CLTC: variants seen among roughly 807,000 people sequenced by gnomAD.
CLTC encodes the protein clathrin heavy chain.
Under a neutral mutation model 195.8 loss-of-function variants are expected in CLTC, and 16 were observed. The observed-to-expected ratio is 0.08, with a 90% CI of 0.06 to 0.12. The LOEUF is 0.12. Among genes scored for constraint, CLTC ranks in the 10% least tolerant of loss-of-function variants. The pLI, the probability that CLTC is intolerant of heterozygous loss-of-function variation, is 1.00. For missense variants in CLTC, 796 were observed against 2,027.0 expected (o/e 0.39, Z 11.66); for synonymous variants, 667 against 689.4 (o/e 0.97, Z 0.51).
Position 59,694,249 on chromosome 17 carries a change from C to A in CLTC, c.*397C>A, listed in dbSNP as rs1429282331. On this transcript the variant is annotated 3_prime_UTR_variant, in exon 32 of 32. Coordinates refer to ENST00000269122, the MANE Select transcript of CLTC (RefSeq NM_004859.4). Reference sequence around the variant, plus strand: ...TAAACAGCTTACAAATACGTATTGTCTAAATGCATTTAAATCTGTTTTATT... The same window carrying A: ...TAAACAGCTTACAAATACGTATTGTATAAATGCATTTAAATCTGTTTTATT... 4.6e-6 allele frequency: 1 copy of A among 219,308 alleles called. No individual in the cohort carries two copies. The highest frequency in any genetic ancestry group is 2.2e-5 in the African/African-American group (1 of 44,514). The allele number at this position is 219,308 out of a possible 1,614,324, so 13.6% of individuals were successfully genotyped here.
In CLTC at chr17:59,682,386, A is replaced by G. The variant is rs770673987; in HGVS notation, c.3558A>G (p.Leu1186=). The G allele has an allele frequency of 8.1e-6, 13 of 1,614,160 alleles. No individual in the cohort carries two copies. Among genetic ancestry groups the G allele is most frequent in the Non-Finnish European group, 1.1e-5 (13 of 1,179,992 alleles). Residue 1186 remains leucine, a synonymous_variant, in exon 22 of 32, where the codon TTA becomes TTG. Coordinates refer to ENST00000269122, the MANE Select transcript of CLTC (RefSeq NM_004859.4). This position sits in a 1 kb window ranked among gnomAD's most constrained non-coding sequence, Gnocchi z 6.8. ...ALAKTNRLAE[L]EEFINGPNNA... Reference sequence around the variant, plus strand: ...CTAAAACAAACCGCCTTGCAGAGTTAGAAGAATTTATCAATGGACCAAATA... The same window carrying G: ...CTAAAACAAACCGCCTTGCAGAGTTGGAAGAATTTATCAATGGACCAAATA...
chr17:59,637,633 T>C (rs113547376), intron 1 of CLTC, among the ~76,000 whole-genome samples: 5,726 of 131,380 alleles, frequency 0.044, 339 homozygotes, highest in African/African-American at 0.14. Flanking sequence ...GAGGCTGAGG[T>C]GGGAGGATCC....
At chr17:59,641,627 AG>A (rs1427548506) in intron 1 of CLTC, among the ~76,000 whole-genome samples, 4 of 150,154 alleles carry the variant, frequency 2.7e-5, no homozygotes, top group South Asian at 2.1e-4. Context: ...AAAAAAAAAA[AG>A]AGTTTGTCAC....
At chr17:59,657,724 C>T (rs907273232) in intron 6 of CLTC, among the ~76,000 whole-genome samples, 29 of 147,250 alleles carry the variant, frequency 2.0e-4, no homozygotes, top group Admixed American at 7.5e-4. Flanking sequence ...GCTGAGATCG[C>T]GCCACTGTAC....
intron 30 of CLTC, among the ~76,000 whole-genome samples, chr17:59,688,916 A>C (rs1036460615): frequency 1.8e-4 from 28 of 152,158 alleles, no homozygotes; most frequent in African/African-American, 6.5e-4. Flanking sequence ...TAACTTCTGT[A>C]GCTCTTTCTT....
intron 17 of CLTC, among the ~76,000 whole-genome samples, chr17:59,677,434 TTACACTCA>T (rs1202835207): frequency 6.6e-6 from 1 of 152,068 alleles, no homozygotes. Context: ...TCTCACACTC[TTACACTCA>T]GGCACACCAT....
chr17:59,620,015 G>C lies in CLTC; in HGVS notation c.-117G>C. 3 of 862,322 alleles carry C rather than the reference G, an allele frequency of 3.5e-6. No homozygotes were observed. The highest frequency in any genetic ancestry group is 5.6e-6 in the Non-Finnish European group (3 of 538,724). The allele number at this position is 862,322 out of a possible 1,614,324, so 53.4% of individuals were successfully genotyped here. On this transcript the variant is annotated 5_prime_UTR_variant, in exon 1 of 32. Coordinates refer to ENST00000269122, the MANE Select transcript of CLTC (RefSeq NM_004859.4). ...TGCCAGTTTCCTGCGTCCCCGGAGA[G>C]GATCCTGCTGAGCCCAGCCTCCCCC...
intron 4 of CLTC, 73 bp from the exon 5 acceptor site, chr17:59,651,130 G>A: frequency 1.1e-6 from 1 of 899,688 alleles, no homozygotes; most frequent in South Asian, 1.6e-5. Context: ...TCCATTTGGG[G>A]GCTACAAATA....
At chr17:59,679,333 T>C (rs563952764) in intron 17 of CLTC, 64 bp from the exon 18 acceptor site, 1 of 1,367,386 alleles carries the variant, frequency 7.3e-7, no homozygotes, top group South Asian at 1.4e-5. Context: ...GGAAATACCC[T>C]CTAAAATGCT....
chr17:59,681,404 G>T lies in CLTC; in HGVS notation c.3175G>T (p.Ala1059Ser). ...TGATGCCCCAGATATTGCCAATATC[G>T]CCATCAGCAATGAGCTGTTTGAAGA... ...NYDAPDIANI[A>S]ISNELFEEAF... The change falls in exon 20 of 32, where the codon GCC becomes TCC. Residue 1059 changes from alanine to serine, a missense_variant. Around this residue, in one of 9 missense-constraint regions of CLTC, gnomAD observed 160 missense variants for 448.2 expected, o/e 0.36. Coordinates refer to ENST00000269122, the MANE Select transcript of CLTC (RefSeq NM_004859.4). The surrounding 1 kb of genome is among the most constrained non-coding windows in gnomAD (Gnocchi z 5.0). The T allele has an allele frequency of 1.9e-6, 3 of 1,613,774 alleles. No individual in the cohort carries two copies. The highest frequency in any genetic ancestry group is 2.5e-6 in the Non-Finnish European group (3 of 1,179,952).
At chr17:59,628,408 G>A (rs1041966140) in intron 1 of CLTC, among the ~76,000 whole-genome samples, 1 of 152,086 alleles carries the variant, frequency 6.6e-6, no homozygotes, top group Admixed American at 6.5e-5. Flanking sequence ...ACAGGCACTC[G>A]AATATTAGTT....
chr17:59,621,612 A>C (rs2031381711), intron 1 of CLTC, among the ~76,000 whole-genome samples: 1 of 152,262 alleles, frequency 6.6e-6, no homozygotes, highest in African/African-American at 2.4e-5. Context: ...AAGAATAATA[A>C]ATTTTTACCC....
chr17:59,656,985 A>AT (rs539362675), intron 6 of CLTC, among the ~76,000 whole-genome samples: 77 of 152,220 alleles, frequency 5.1e-4, no homozygotes, highest in African/African-American at 1.7e-3. Context: ...TTTAATATTA[A>AT]TAAGAATATT....
At chr17:59,684,312 A>G (rs964188411) in intron 28 of CLTC, 12 of 201,164 alleles carry the variant, frequency 6.0e-5, no homozygotes, top group Non-Finnish European at 1.1e-4. Context: ...ATATTTATTC[A>G]CCATTTTTCT....
chr17:59,642,019 T>C (rs917964740), intron 1 of CLTC, among the ~76,000 whole-genome samples: 20 of 151,656 alleles, frequency 1.3e-4, no homozygotes, highest in Middle Eastern at 3.4e-3. Context: ...TTTTTTTTTT[T>C]TTTTACAAGT....
chr17:59,624,842 G>T (rs576212132), intron 1 of CLTC, among the ~76,000 whole-genome samples: 17 of 151,934 alleles, frequency 1.1e-4, no homozygotes, highest in Admixed American at 3.3e-4. Flanking sequence ...TTAATTTTGG[G>T]TTTTTTTGGT....
In CLTC at chr17:59,657,312, T is replaced by C. The variant is rs185618186; in HGVS notation, c.969+1285T>C. 2.2e-4 allele frequency among the ~76,000 whole-genome samples: 34 copies of C among 152,282 alleles called. 1 individual carries two copies. The East Asian group carries it at 4.8e-3, about 22-fold the overall frequency. On this transcript the variant is annotated intron_variant, in intron 6 of 31. Transcript: ENST00000269122. Reference sequence around the variant, plus strand: ...CTCCTCATAACATTTACCATACTTATTAAAATTGCTCGCTAAGCTGTTGCA... The same window carrying C: ...CTCCTCATAACATTTACCATACTTACTAAAATTGCTCGCTAAGCTGTTGCA...
rs181739527 is a variant in CLTC at position 59,624,213 on chromosome 17, A to G, written c.42+4040A>G. ...ATAAAGTAGTGGGAATGCTGTCCGA[A>G]TGGGATGTGTACCTGAGTCTTCTGA... is the stretch of plus-strand genomic sequence containing the variant. On this transcript the variant is annotated intron_variant, in intron 1 of 31. Transcript: ENST00000269122. 1.1e-4 allele frequency among the ~76,000 whole-genome samples: 17 copies of G among 152,260 alleles called. No homozygotes were observed. In the East Asian group the frequency reaches 3.3e-3, roughly 29 times the overall value.
At chr17:59,636,887 C>T (rs1209509991) in intron 1 of CLTC, among the ~76,000 whole-genome samples, 10 of 151,622 alleles carry the variant, frequency 6.6e-5, no homozygotes, top group Admixed American at 2.0e-4. Context: ...CTCAGTCTCC[C>T]GAGTAGCTGG....
Sources: allele counts gnomAD v4.1 joint callset (sites outside exome capture counted in the v4.1 genomes callset), GRCh38; gene constraint gnomAD v4.1.1; regional missense constraint gnomAD v4.1.1; non-coding constraint Gnocchi (gnomAD v3.1); transcripts MANE v1.5; gene names NCBI Gene and HGNC (gene_info 2026-07-23, HGNC 2026-07-21).